RAB27A: variants seen among roughly 807,000 people sequenced by gnomAD.
RAB27A encodes the protein RAB27A, member RAS oncogene family, also known as ras-related protein Rab-27A.
RAB27A carries 17 observed loss-of-function variants against 20.8 expected under a neutral mutation model. The observed-to-expected ratio is 0.82, with a 90% CI of 0.56 to 1.23. The LOEUF (loss-of-function observed/expected upper bound fraction) is 1.23. Among genes scored for constraint, RAB27A ranks in the 50% most tolerant of loss-of-function variants. The probability of loss-of-function intolerance (pLI) is 0.00; values close to 1 mark genes in which losing one functional copy is unlikely to be tolerated. For missense variants in RAB27A, 277 were observed against 266.7 expected, an observed-to-expected ratio of 1.04 and a Z score of -0.27; for synonymous variants, 85 against 92.8, an observed-to-expected ratio of 0.92 and a Z score of 0.48.
chr15:55,234,453 G>C (rs1896169467), intron 3 of RAB27A, among the ~76,000 whole-genome samples: 1 of 152,164 alleles, frequency 6.6e-6, no homozygotes, highest in Non-Finnish European at 1.5e-5. Context: ...CATAAAACAA[G>C]AGTATGAGGG....
chr15:55,210,554 T>A (rs1283019875), intron 6 of RAB27A, among the ~76,000 whole-genome samples: 1 of 152,138 alleles, frequency 6.6e-6, no homozygotes, highest in Non-Finnish European at 1.5e-5. Flanking sequence ...TACACCTGTT[T>A]GCCATTTGCA....
At chr15:55,221,251 T>A (rs901860112) in intron 6 of RAB27A, among the ~76,000 whole-genome samples, 1 of 150,224 alleles carries the variant, frequency 6.7e-6, no homozygotes, top group African/African-American at 2.5e-5. Flanking sequence ...TGTGCTTGTT[T>A]GATCTAGCTA....
chr15:55,278,179 T>C (rs1215321556), intron 1 of RAB27A, among the ~76,000 whole-genome samples: 1 of 152,222 alleles, frequency 6.6e-6, no homozygotes, highest in Non-Finnish European at 1.5e-5. Flanking sequence ...TTCCTTCCCA[T>C]TTTGTAACAC....
In RAB27A at chr15:55,234,804, A is replaced by G; in HGVS notation, c.131T>C (p.Ile44Thr). 6.2e-7 allele frequency: 1 copy of G among 1,611,802 alleles called. No homozygotes were observed. The highest frequency in any genetic ancestry group is 8.5e-7 in the Non-Finnish European group (1 of 1,178,114). ...FNSKFITTVG[I>T]DFREKRVVYR... ...TACCACTCTTTTTTCCCTGAAATCA[A>G]TGCCCACTGTTGTGATAAATTTGGA... Residue 44 changes from isoleucine to threonine, a missense_variant, in exon 3 of 7, where the codon ATT becomes ACT. By Grantham distance (89) the Ile-to-Thr change is moderately conservative. Coordinates refer to ENST00000336787, the MANE Select transcript of RAB27A (RefSeq NM_183235.3).
intron 5 of RAB27A, 63 bp from the exon 6 acceptor site, chr15:55,224,075 A>G: frequency 7.6e-7 from 1 of 1,322,470 alleles, no homozygotes; most frequent in Non-Finnish European, 1.1e-6. Flanking sequence ...ATCAGTGAAC[A>G]ATACATGCAA....
chr15:55,217,488 C>T (rs1895360451), intron 6 of RAB27A, among the ~76,000 whole-genome samples: 1 of 144,408 alleles, frequency 6.9e-6, no homozygotes, highest in Non-Finnish European at 1.5e-5. Context: ...GGTGAAACCT[C>T]GTCTTTACTA....
intron 1 of RAB27A, among the ~76,000 whole-genome samples, chr15:55,279,523 G>C (rs1897959984): frequency 6.6e-6 from 1 of 152,196 alleles, no homozygotes; most frequent in South Asian, 2.1e-4. Context: ...TGGCAAAAAT[G>C]TACAACTACA....
At chr15:55,285,260 C>T (rs2141127584) in intron 1 of RAB27A, among the ~76,000 whole-genome samples, 1 of 141,430 alleles carries the variant, frequency 7.1e-6, no homozygotes, top group African/African-American at 2.7e-5. Context: ...TAAAGCACTA[C>T]ATGGTAAACT....
chr15:55,223,838 A>T (rs1367141231), intron 6 of RAB27A, 51 bp downstream of exon 6: 7 of 1,600,300 alleles, frequency 4.4e-6, no homozygotes, highest in Middle Eastern at 1.7e-4. Context: ...TTCACCTGCT[A>T]ATGTTTATAT....
chr15:55,264,610 T>G (rs1181520551), intron 2 of RAB27A, among the ~76,000 whole-genome samples: 2 of 152,194 alleles, frequency 1.3e-5, no homozygotes, highest in Non-Finnish European at 2.9e-5. Context: ...TTAAATGTAC[T>G]TCAAATATAA....
intron 1 of RAB27A, among the ~76,000 whole-genome samples, chr15:55,283,537 G>A (rs931050756): frequency 6.6e-6 from 1 of 152,128 alleles, no homozygotes; most frequent in Non-Finnish European, 1.5e-5. Flanking sequence ...TGTCCCTAAT[G>A]AGAAAAGCCA....
chr15:55,266,177 C>T (rs1595733221), intron 2 of RAB27A, among the ~76,000 whole-genome samples: 1 of 152,156 alleles, frequency 6.6e-6, no homozygotes, highest in African/African-American at 2.4e-5. Flanking sequence ...GGGATTAGTG[C>T]CCCTATAAGA....
intron 2 of RAB27A, among the ~76,000 whole-genome samples, chr15:55,242,240 C>T (rs920708855): frequency 1.1e-4 from 17 of 152,236 alleles, no homozygotes; most frequent in African/African-American, 4.1e-4. Flanking sequence ...AATAAATATA[C>T]TTGATTTTAT....
chr15:55,224,768 C>T lies in RAB27A; in HGVS notation c.344-756G>A, dbSNP rs575387327. Among the ~76,000 whole-genome samples the T allele has an allele frequency of 1.1e-4, 17 of 152,332 alleles. 1 individual carries two copies. The highest frequency in any genetic ancestry group is 7.2e-4 in the Admixed American group (11 of 15,306). ...AACACCTCATTTCTTACCCATCACACCCCAGAATAAAATTAAGGCCTAAAC... is the reference window on the plus strand; with the variant it reads ...AACACCTCATTTCTTACCCATCACATCCCAGAATAAAATTAAGGCCTAAAC... On this transcript the variant is annotated intron_variant, in intron 5 of 6. Coordinates refer to ENST00000336787, the MANE Select transcript of RAB27A (RefSeq NM_183235.3).
chr15:55,271,741 C>T (rs1306755872), intron 1 of RAB27A, among the ~76,000 whole-genome samples: 1 of 152,176 alleles, frequency 6.6e-6, no homozygotes, highest in Non-Finnish European at 1.5e-5. Context: ...GGTGAAATGT[C>T]GGACATAGAA....
intron 1 of RAB27A, chr15:55,270,789 A>C (rs1897681890): frequency 6.6e-6 from 1 of 152,240 alleles, no homozygotes; most frequent in South Asian, 2.1e-4. Context: ...TTTCATAAGT[A>C]AAACTGCCTA....
At chr15:55,263,515 G>A (rs1304009244) in intron 2 of RAB27A, among the ~76,000 whole-genome samples, 2 of 152,120 alleles carry the variant, frequency 1.3e-5, no homozygotes, top group Non-Finnish European at 2.9e-5. Context: ...TTTGAACACA[G>A]TACTATATTT....
At chr15:55,227,907 C>A (rs1198962491) in intron 5 of RAB27A, among the ~76,000 whole-genome samples, 1 of 152,128 alleles carries the variant, frequency 6.6e-6, no homozygotes, top group Non-Finnish European at 1.5e-5. Flanking sequence ...CTAATAGATT[C>A]TCTAGGGTTA....
At position 55,251,067 on chromosome 15, in the gene RAB27A, G is replaced by A. The variant is rs575398967; in HGVS notation, c.-22-16111C>T. On this transcript the variant is annotated intron_variant, in intron 2 of 6. Coordinates refer to ENST00000336787, the MANE Select transcript of RAB27A (RefSeq NM_183235.3). ...TCTACCTACAATGCAGCTCTGAATC[G>A]TCTCATTTGCCTTTGGCTTTGTCCC... Among the ~76,000 whole-genome samples the A allele has an allele frequency of 1.0e-3, 152 of 152,258 alleles. 2 individuals carry two copies. The highest frequency in any genetic ancestry group is 1.5e-3 in the Non-Finnish European group (101 of 68,022).
Sources: gnomAD v4.1 joint callset for allele counts (sites outside exome capture counted in the v4.1 genomes callset) on GRCh38, gnomAD v4.1.1 for gene constraint, MANE v1.5 for transcripts, NCBI Gene and HGNC (gene_info 2026-07-23, HGNC 2026-07-21) for gene names.